RAPGEF4: variants seen among roughly 807,000 people sequenced by gnomAD.
RAPGEF4 encodes the protein Rap guanine nucleotide exchange factor 4.
A neutral mutation model predicts 147.9 loss-of-function variants in RAPGEF4; 66 were observed. The observed-to-expected ratio is 0.45, with a 90% CI of 0.37 to 0.55. The LOEUF is 0.55. Ranked by LOEUF, RAPGEF4 falls within the 20% of genes least tolerant of loss-of-function variation. The pLI is 0.00. For synonymous variants in RAPGEF4, 419 were observed against 442.7 expected (o/e 0.95, Z 0.67); for missense variants, 1,071 against 1,257.3 (o/e 0.85, Z 2.24).
intron 4 of RAPGEF4, among the ~76,000 whole-genome samples, chr2:172,903,030 A>G (rs186770085): frequency 6.6e-6 from 1 of 152,282 alleles, no homozygotes; most frequent in Admixed American, 6.5e-5. Context: ...CACTGCAAAC[A>G]ACATGTGTGG....
At chr2:172,919,896 G>A (rs967548629) in intron 5 of RAPGEF4, among the ~76,000 whole-genome samples, 4 of 151,920 alleles carry the variant, frequency 2.6e-5, no homozygotes, top group African/African-American at 9.7e-5. Flanking sequence ...ACCCCTGCTT[G>A]CCCGGGCCCA....
At chr2:172,929,630 G>A (rs1416263022) in intron 6 of RAPGEF4, among the ~76,000 whole-genome samples, 1 of 152,120 alleles carries the variant, frequency 6.6e-6, no homozygotes, top group African/African-American at 2.4e-5. Context: ...GAATGACTCA[G>A]AAACACCCCT....
intron 6 of RAPGEF4, among the ~76,000 whole-genome samples, chr2:172,930,753 C>T (rs1685835659): frequency 6.6e-6 from 1 of 152,156 alleles, no homozygotes; most frequent in African/African-American, 2.4e-5. Context: ...AGCCCAGTAC[C>T]TAAGCCTGTG....
chr2:172,829,996 T>C (rs982865076), intron 4 of RAPGEF4, among the ~76,000 whole-genome samples: 1 of 151,996 alleles, frequency 6.6e-6, no homozygotes, highest in African/African-American at 2.4e-5. Context: ...CATATATTAA[T>C]GGATGCACAC....
intron 1 of RAPGEF4, among the ~76,000 whole-genome samples, chr2:172,751,260 G>A (rs1695260608): frequency 6.6e-6 from 1 of 152,152 alleles, no homozygotes; most frequent in Non-Finnish European, 1.5e-5. Flanking sequence ...AGTCACTCTT[G>A]CTGGGTATAC....
intron 18 of RAPGEF4, 143 bp downstream of exon 18, chr2:173,014,757 C>T (rs888289109): frequency 1.3e-5 from 11 of 839,658 alleles, no homozygotes; most frequent in South Asian, 5.5e-5. Flanking sequence ...AAAGGAACTA[C>T]AGAAAAAGTA....
intron 6 of RAPGEF4, 86 bp downstream of exon 6, chr2:172,922,386 C>G (rs1684863257): frequency 3.1e-6 from 4 of 1,273,428 alleles, no homozygotes; most frequent in South Asian, 2.4e-5. Context: ...AAAGAGAGCT[C>G]TTGACCCACA....
intron 10 of RAPGEF4, among the ~76,000 whole-genome samples, chr2:172,969,338 G>A (rs1291540715): frequency 6.6e-6 from 1 of 152,232 alleles, no homozygotes; most frequent in Non-Finnish European, 1.5e-5. Flanking sequence ...AGAGGATTAA[G>A]CAACTACTTA....
In RAPGEF4 at chr2:172,958,669, T is replaced by A. The variant is rs530718689; in HGVS notation, c.538-2091T>A. Among the ~76,000 whole-genome samples the A allele has an allele frequency of 2.6e-5, 4 of 152,318 alleles. No individual in the cohort carries two copies. In the South Asian group the frequency reaches 8.3e-4, roughly 32 times the overall value. ...ATCTGTGCTGGTAAACAGTATGCTG[T>A]TAAAATACTATAATATTGCTTGACA... On this transcript the variant is annotated intron_variant, in intron 6 of 30. Coordinates refer to ENST00000397081, the MANE Select transcript of RAPGEF4 (RefSeq NM_007023.4).
chr2:172,927,060 G>A (rs1685445744), intron 6 of RAPGEF4, among the ~76,000 whole-genome samples: 1 of 152,108 alleles, frequency 6.6e-6, no homozygotes, highest in African/African-American at 2.4e-5. Context: ...AAACCACTTG[G>A]CAAGTCTCAT....
At chr2:172,778,048 A>G (rs1684338067) in intron 1 of RAPGEF4, among the ~76,000 whole-genome samples, 1 of 152,200 alleles carries the variant, frequency 6.6e-6, no homozygotes, top group South Asian at 2.1e-4. Flanking sequence ...TGCTTAGGTG[A>G]CCAGTCTAAA....
At chr2:172,988,872 G>T in intron 14 of RAPGEF4, 33 bp downstream of exon 14, 1 of 1,602,676 alleles carries the variant, frequency 6.2e-7, no homozygotes, top group Non-Finnish European at 8.5e-7. Flanking sequence ...CTGAGAGACA[G>T]CCCATTTTTT....
At chr2:173,020,072 A>C (rs993139478) in intron 22 of RAPGEF4, among the ~76,000 whole-genome samples, 1 of 152,246 alleles carries the variant, frequency 6.6e-6, no homozygotes, top group Non-Finnish European at 1.5e-5. Context: ...AATGTTTATT[A>C]AATGAACTAA....
At chr2:172,895,611 A>G (rs566506264) in intron 4 of RAPGEF4, among the ~76,000 whole-genome samples, 1 of 152,220 alleles carries the variant, frequency 6.6e-6, no homozygotes, top group Non-Finnish European at 1.5e-5. Flanking sequence ...ACATAGAAGT[A>G]ATCTACTTCT....
chr2:172,740,995 G>A (rs925224022), intron 1 of RAPGEF4, among the ~76,000 whole-genome samples: 1 of 152,170 alleles, frequency 6.6e-6, no homozygotes, highest in Admixed American at 6.5e-5. Flanking sequence ...TCAGAAGTCC[G>A]TTTTCTGCAT....
intron 6 of RAPGEF4, among the ~76,000 whole-genome samples, chr2:172,956,301 C>A (rs967024281): frequency 2.6e-5 from 4 of 152,094 alleles, no homozygotes; most frequent in Admixed American, 1.3e-4. Flanking sequence ...AAATTTTCCT[C>A]CCCTGGTGCA....
chr2:172,749,602 G>C (rs1006438977), intron 1 of RAPGEF4, among the ~76,000 whole-genome samples: 4 of 152,218 alleles, frequency 2.6e-5, no homozygotes, highest in Non-Finnish European at 5.9e-5. Context: ...TTGATGGGAA[G>C]GGCTGCTGCA....
At chr2:172,952,265 T>G (rs1428557852) in intron 6 of RAPGEF4, among the ~76,000 whole-genome samples, 1 of 152,176 alleles carries the variant, frequency 6.6e-6, no homozygotes, top group Non-Finnish European at 1.5e-5. Flanking sequence ...GTTGTAAGAA[T>G]TGAACCATGT....
chr2:172,915,086 T>C (rs562571118), intron 4 of RAPGEF4, among the ~76,000 whole-genome samples: 1 of 152,342 alleles, frequency 6.6e-6, no homozygotes, highest in Non-Finnish European at 1.5e-5. Flanking sequence ...CTCCCAGGTT[T>C]AGTGAATGTT....
Sources: allele counts gnomAD v4.1 joint callset (sites outside exome capture counted in the v4.1 genomes callset), GRCh38; gene constraint gnomAD v4.1.1; transcripts MANE v1.5; gene names NCBI Gene and HGNC (gene_info 2026-07-23, HGNC 2026-07-21).